The following NUP58 variants were observed in gnomAD, a reference collection of about 807,000 sequenced individuals.
NUP58 encodes nucleoporin 58.
A neutral mutation model predicts 70.1 loss-of-function variants in NUP58; 17 were observed. The ratio of observed to expected loss-of-function variants is 0.24; its 90% confidence interval spans 0.17 to 0.36. The LOEUF is 0.36. NUP58 is among the 10% of genes least tolerant of loss of function. NUP58 has a pLI of 1.00. For synonymous variants in NUP58, 275 were observed against 257.6 expected, an observed-to-expected ratio of 1.07 and a Z score of -0.65; for missense variants, 644 against 701.5, an observed-to-expected ratio of 0.92 and a Z score of 0.93.
intron 3 of NUP58, among the ~76,000 whole-genome samples, chr13:25,349,157 C>T (rs574088959): frequency 1.1e-4 from 17 of 152,276 alleles, no homozygotes; most frequent in Middle Eastern, 3.4e-3. Flanking sequence ...CTTTGTCTCC[C>T]ATATTAGGCT....
exon 4 of NUP58, chr13:25,349,624 G>A (rs1200488626): frequency 6.6e-6 from 1 of 152,530 alleles, no homozygotes; most frequent in Non-Finnish European, 1.5e-5. Context: ...CAATGAAATA[G>A]GAAGAAAAAT....
intron 6 of NUP58, 83 bp downstream of exon 6, chr13:25,315,550 G>A (rs1566061170): frequency 3.4e-6 from 3 of 887,550 alleles, no homozygotes; most frequent in South Asian, 1.5e-5. Context: ...TTGTGTGGAA[G>A]ATTAGCAGTT....
chr13:25,332,920 A>G (rs1206402382), intron 13 of NUP58: 1 of 985,234 alleles, frequency 1.0e-6, no homozygotes, highest in Non-Finnish European at 1.2e-6. Flanking sequence ...AATCAAACCA[A>G]CCATAGTACT....
At chr13:25,320,638 C>G in intron 8 of NUP58, 43 bp downstream of exon 8, 2 of 1,383,264 alleles carry the variant, frequency 1.4e-6, no homozygotes, top group Non-Finnish European at 2.0e-6. Flanking sequence ...TTGAAGAATT[C>G]TAGAATACTT....
At chr13:25,326,888 G>T (rs2031415407) in intron 10 of NUP58, 28 bp from the exon 11 acceptor site, 1 of 1,290,944 alleles carries the variant, frequency 7.7e-7, no homozygotes, top group East Asian at 2.3e-5. Context: ...AAAAATATTT[G>T]ATCTGACTTT....
Position 25,336,661 on chromosome 13 carries a change from C to T in NUP58, c.1436-275C>T, listed in dbSNP as rs565949274. 2.0e-5 allele frequency among the ~76,000 whole-genome samples: 3 copies of T among 152,216 alleles called. No individual in the cohort carries two copies. The East Asian group carries it at 5.8e-4, about 29-fold the overall frequency. The stretch of plus-strand genomic sequence containing the variant: ...ATTTCAAATTATTTAGTAGATTAAA[C>T]TAACGTCTTTCATTGCGGTAAGCCT... On this transcript the variant is annotated intron_variant, in intron 13 of 15. Transcript: ENST00000381736.
At chr13:25,335,837 CCCT>C in intron 13 of NUP58, 1 of 1,008,956 alleles carries the variant, frequency 9.9e-7, no homozygotes, top group Non-Finnish European at 1.2e-6. Context: ...TTTGACAGTT[CCCT>C]CATCTTTGAG....
chr13:25,304,521 T>TATATATATATATGTGTA (rs1491553153), intron 1 of NUP58, among the ~76,000 whole-genome samples: 9 of 53,400 alleles, frequency 1.7e-4, no homozygotes, highest in African/African-American at 5.5e-4. Flanking sequence ...TATATATGTA[T>TATATATATATATGTGTA]TTTTTTTTTT....
In NUP58 at chr13:25,303,960, C is replaced by CATA. The variant is rs759768897; in HGVS notation, c.107+2082_107+2084dup. 6.6e-5 allele frequency among the ~76,000 whole-genome samples: 10 copies of CATA among 152,330 alleles called. No homozygotes were observed. The East Asian group carries it at 1.9e-3, about 29-fold the overall frequency. ...ATTAATGAAAGAGGAGACTGTCCGA[C>CATA]ATAAATTTGTTAGAGTGCTGGTTGG... On this transcript the variant is annotated intron_variant, in intron 1 of 15. Coordinates refer to ENST00000381736, the MANE Select transcript of NUP58 (RefSeq NM_014089.4).
chr13:25,307,514 T>G (rs1213001768), intron 1 of NUP58, among the ~76,000 whole-genome samples: 1 of 152,250 alleles, frequency 6.6e-6, no homozygotes, highest in African/African-American at 2.4e-5. Flanking sequence ...ACACCCAGCC[T>G]GAAATCTGGT....
At chr13:25,333,295 A>G (rs1224344154) in intron 13 of NUP58, 1 of 985,328 alleles carries the variant, frequency 1.0e-6, no homozygotes, top group Non-Finnish European at 1.2e-6. Flanking sequence ...GACAATATAG[A>G]TTTTGTCTTT....
intron 5 of NUP58, among the ~76,000 whole-genome samples, chr13:25,314,099 T>A (rs9507495): frequency 0.7 from 105,959 of 151,814 alleles, 42,301 homozygotes; most frequent in Non-Finnish European, 0.91. Flanking sequence ...CCTGGCTTAT[T>A]TTTGTATTTT....
chr13:25,343,106 T>G (rs918079283), downstream of NUP58, among the ~76,000 whole-genome samples: 3 of 152,064 alleles, frequency 2.0e-5, no homozygotes, highest in African/African-American at 7.2e-5. Flanking sequence ...TGTGAGATTT[T>G]GGTACACCCA....
intron 3 of NUP58, chr13:25,309,843 T>C (rs1373022083): frequency 1.0e-5 from 2 of 195,412 alleles, no homozygotes; most frequent in African/African-American, 4.9e-5. Context: ...TTAAATTGAA[T>C]TTTAAGTTAA....
intron 13 of NUP58, chr13:25,331,926 C>T (rs1332494353): frequency 3.8e-6 from 4 of 1,062,410 alleles, no homozygotes; most frequent in Non-Finnish European, 4.6e-6. Flanking sequence ...TCCATCCATT[C>T]TTTGAATTTT....
chr13:25,339,570 A>G (rs1026275754), intron 15 of NUP58, among the ~76,000 whole-genome samples: 1 of 152,182 alleles, frequency 6.6e-6, no homozygotes. Flanking sequence ...GCTTTCCTGG[A>G]GGACTTGGGA....
intron 13 of NUP58, chr13:25,335,942 G>A (rs951799619): frequency 3.6e-6 from 4 of 1,098,096 alleles, no homozygotes; most frequent in African/African-American, 1.7e-5. Flanking sequence ...ATCCAAATGA[G>A]AGATTTTTAG....
At chr13:25,346,866 T>C (rs773638591), downstream of NUP58, among the ~76,000 whole-genome samples, 11 of 152,180 alleles carry the variant, frequency 7.2e-5, no homozygotes, top group Non-Finnish European at 1.6e-4. Flanking sequence ...TAAAGAACCA[T>C]GTATTTAAAA....
intron 14 of NUP58, 118 bp downstream of exon 14, chr13:25,337,152 G>A: frequency 2.0e-6 from 1 of 511,072 alleles, no homozygotes; most frequent in African/African-American, 2.0e-5. Flanking sequence ...GGTTCCATCT[G>A]GCAAAAATGA....
Sources: allele counts gnomAD v4.1 joint callset (sites outside exome capture counted in the v4.1 genomes callset), GRCh38; gene constraint gnomAD v4.1.1; transcripts MANE v1.5; gene names NCBI Gene and HGNC (gene_info 2026-07-23, HGNC 2026-07-21).